Variants in TRIM27 observed in about 807,000 individuals in gnomAD.
The protein encoded by TRIM27 is tripartite motif containing 27.
TRIM27 carries 12 observed loss-of-function variants against 57.6 expected under a neutral mutation model. That is an observed-to-expected ratio of 0.21 (90% CI 0.13 to 0.34). The LOEUF (loss-of-function observed/expected upper bound fraction) is 0.34, where lower values mean the gene tolerates loss of function less well. TRIM27 is among the 10% of genes least tolerant of loss of function. The probability of loss-of-function intolerance (pLI) is 1.00; values close to 1 mark genes in which losing one functional copy is unlikely to be tolerated. For missense variants in TRIM27, 403 were observed against 656.8 expected (o/e 0.61, Z 4.22); for synonymous variants, 266 against 259.0 (o/e 1.03, Z -0.26).
chr6:28,920,330 ACCT>A (rs1160427540), intron 2 of TRIM27, 88 bp from the exon 3 acceptor site: 5 of 1,136,140 alleles, frequency 4.4e-6, no homozygotes, highest in Non-Finnish European at 5.0e-6. Context: ...GTAGCCCAAG[ACCT>A]CATTATGGAT....
chr6:28,908,947 C>T (rs750968345), intron 5 of TRIM27, 26 bp downstream of exon 5: 7 of 1,603,552 alleles, frequency 4.4e-6, no homozygotes, highest in Non-Finnish European at 6.0e-6. Context: ...ATCCATTTCC[C>T]CTCATGACAC....
At chr6:28,920,699 CAT>C (rs1562179569) in intron 2 of TRIM27, among the ~76,000 whole-genome samples, 1 of 152,190 alleles carries the variant, frequency 6.6e-6, no homozygotes, top group Non-Finnish European at 1.5e-5. Flanking sequence ...GGCTGGAGCA[CAT>C]GAGTGTTGAG....
chr6:28,904,830 G>T lies in TRIM27; in HGVS notation c.947-165C>A. 1 of 587,028 alleles carries T rather than the reference G, an allele frequency of 1.7e-6. No individual in the cohort carries two copies. The highest frequency in any genetic ancestry group is 2.4e-5 in the South Asian group (1 of 41,688). 36.4% of individuals were successfully genotyped at this position (587,028 alleles called of 1,614,324 possible). ...CTTCACATTTCAAAAATTACTGCTT[G>T]GATTAGCTGGTTACCAGAATACTCT... is the stretch of plus-strand genomic sequence containing the variant. On this transcript the variant is annotated intron_variant, in intron 7 of 7. Transcript: ENST00000377199. This position sits in a 1 kb window ranked among gnomAD's most constrained non-coding sequence, Gnocchi z 6.1.
chr6:28,915,293 T>TAAAAAAAAAAAAA (rs9256952), intron 3 of TRIM27: 3 of 111,956 alleles, frequency 2.7e-5, no homozygotes, highest in Admixed American at 9.8e-5. Flanking sequence ...AAAATATTCT[T>TAAAAAAAAAAAAA]AAAAAAAAAA....
chr6:28,921,998 C>T lies in TRIM27; in HGVS notation c.421-11G>A. Reference sequence around the variant, plus strand: ...GTTCTGGATTTGCTCCTGAGAAAAGCAAAACAGATGGGCAGTTCAAAATTA... The same window carrying T: ...GTTCTGGATTTGCTCCTGAGAAAAGTAAAACAGATGGGCAGTTCAAAATTA... On this transcript the variant is annotated splice_polypyrimidine_tract_variant and intron_variant, in intron 1 of 7. Coordinates refer to ENST00000377199, the MANE Select transcript of TRIM27 (RefSeq NM_006510.5). 3 of 1,603,672 alleles carry T rather than the reference C, an allele frequency of 1.9e-6. No homozygotes were observed. Among genetic ancestry groups the T allele is most frequent in the Non-Finnish European group, 2.6e-6 (3 of 1,171,542 alleles).
intron 3 of TRIM27, among the ~76,000 whole-genome samples, chr6:28,919,284 A>G (rs898831934): frequency 6.6e-6 from 1 of 152,182 alleles, no homozygotes; most frequent in Non-Finnish European, 1.5e-5. Context: ...TGCTGGGATT[A>G]CAGGTGTGAG....
In TRIM27 at chr6:28,904,694, C is replaced by G. The variant is rs747048966; in HGVS notation, c.947-29G>C. The G allele has an allele frequency of 6.4e-7, 1 of 1,563,744 alleles. No homozygotes were observed. The highest frequency in any genetic ancestry group is 1.3e-5 in the African/African-American group (1 of 74,164). ...TAGAGACACAAGGAAGACAGTCAGC[C>G]GTGGGCCAGGAGAGCCTATTTTAGA... On this transcript the variant is annotated intron_variant, in intron 7 of 7. Transcript: ENST00000377199. This position sits in a 1 kb window ranked among gnomAD's most constrained non-coding sequence, Gnocchi z 6.1.
chr6:28,919,873 G>T (rs956905437), intron 3 of TRIM27, 139 bp downstream of exon 3: 1 of 725,338 alleles, frequency 1.4e-6, no homozygotes, highest in African/African-American at 1.8e-5. Flanking sequence ...CTTCCAAGGT[G>T]CACAATATAG....
At chr6:28,909,958 T>C (rs146120052) in intron 4 of TRIM27, among the ~76,000 whole-genome samples, 347 of 152,110 alleles carry the variant, frequency 2.3e-3, no homozygotes, top group Middle Eastern at 0.01. Flanking sequence ...TATCTCATGG[T>C]GTTTTGAGAA....
intron 4 of TRIM27, among the ~76,000 whole-genome samples, chr6:28,909,580 A>AC (rs112927260): frequency 1.3e-5 from 2 of 152,054 alleles, no homozygotes; most frequent in African/African-American, 4.8e-5. Context: ...TCATTCTCAT[A>AC]CCCCCCAAAG....
Position 28,923,702 on chromosome 6 carries a change from G to C in TRIM27, c.-70C>G. Reference sequence around the variant, plus strand: ...GCTCTGCACTGAGCCCAACTCTCCGGCGCTCTCTCCGGTTCGCTGTTCCTG... The same window carrying C: ...GCTCTGCACTGAGCCCAACTCTCCGCCGCTCTCTCCGGTTCGCTGTTCCTG... On this transcript the variant is annotated 5_prime_UTR_variant, in exon 1 of 8. Coordinates refer to ENST00000377199, the MANE Select transcript of TRIM27 (RefSeq NM_006510.5). The C allele has an allele frequency of 7.0e-7, 1 of 1,426,982 alleles. No individual in the cohort carries two copies. Among genetic ancestry groups the C allele is most frequent in the Non-Finnish European group, 9.3e-7 (1 of 1,079,084 alleles). 88.4% of individuals were successfully genotyped at this position (1,426,982 alleles called of 1,614,324 possible).
intron 3 of TRIM27, among the ~76,000 whole-genome samples, chr6:28,914,281 T>A (rs963451432): frequency 6.6e-6 from 1 of 151,498 alleles, no homozygotes; most frequent in African/African-American, 2.4e-5. Flanking sequence ...ATTACAGGCA[T>A]GTGCCACCAC....
At chr6:28,909,201 A>G in intron 4 of TRIM27, 113 bp from the exon 5 acceptor site, 1 of 700,118 alleles carries the variant, frequency 1.4e-6, no homozygotes, top group Non-Finnish European at 2.4e-6. Flanking sequence ...TCTGCCTCCC[A>G]GGTTCAAGCG....
chr6:28,913,706 T>C (rs1773387550), intron 3 of TRIM27, among the ~76,000 whole-genome samples: 1 of 152,128 alleles, frequency 6.6e-6, no homozygotes, highest in Admixed American at 6.6e-5. Flanking sequence ...CTGAGCATTT[T>C]TTCACATGTT....
In TRIM27 at chr6:28,920,002, C is replaced by T; in HGVS notation, c.747+10G>A. On this transcript the variant is annotated intron_variant, in intron 3 of 7. Coordinates refer to ENST00000377199, the MANE Select transcript of TRIM27 (RefSeq NM_006510.5). Reference sequence around the variant, plus strand: ...TGGGTGCTGCTCTAGCAGGGCTCTGCAAGCCTTACCTGCAGGAGCTCCCTG... The same window carrying T: ...TGGGTGCTGCTCTAGCAGGGCTCTGTAAGCCTTACCTGCAGGAGCTCCCTG... 1 of 1,608,714 alleles carries T rather than the reference C, an allele frequency of 6.2e-7. No individual in the cohort carries two copies. Among genetic ancestry groups the T allele is most frequent in the Non-Finnish European group, 8.5e-7 (1 of 1,177,864 alleles).
chr6:28,907,973 T>C (rs1057428156), intron 6 of TRIM27: 15 of 177,280 alleles, frequency 8.5e-5, no homozygotes, highest in African/African-American at 3.3e-4. Context: ...TTATCAAAGA[T>C]TGTGGGGGTT....
rs766717738 is a variant in TRIM27 at position 28,913,486 on chromosome 6, T to TAC, written c.748-1770_748-1769dup. Reference sequence around the variant, plus strand: ...TGTTAATTCTAACTGTGTGTATACATACACACACACACATACAGTTTTGTT... The same window carrying TAC: ...TGTTAATTCTAACTGTGTGTATACATACACACACACACACATACAGTTTTGTT... On this transcript the variant is annotated intron_variant, in intron 3 of 7. Transcript: ENST00000377199. Among the ~76,000 whole-genome samples, 42 of 151,512 alleles carry TAC rather than the reference T, an allele frequency of 2.8e-4. No homozygotes were observed. The East Asian group carries it at 4.8e-3, about 17-fold the overall frequency.
chr6:28,919,879 T>C, intron 3 of TRIM27, 133 bp downstream of exon 3: 1 of 777,026 alleles, frequency 1.3e-6, no homozygotes. Flanking sequence ...AGGTGCACAA[T>C]ATAGAGTTTG....
chr6:28,919,965 C>A (rs973548566), intron 3 of TRIM27, 47 bp downstream of exon 3: 9 of 1,555,478 alleles, frequency 5.8e-6, no homozygotes, highest in South Asian at 1.2e-5. Context: ...GGAGAAGGGA[C>A]GATATTTTCA....
Sources: allele counts gnomAD v4.1 joint callset (sites outside exome capture counted in the v4.1 genomes callset), GRCh38; gene constraint gnomAD v4.1.1; non-coding constraint Gnocchi (gnomAD v3.1); transcripts MANE v1.5; gene names NCBI Gene and HGNC (gene_info 2026-07-23, HGNC 2026-07-21).